Variants in BRCA1 observed in about 807,000 individuals in gnomAD.
BRCA1 encodes the protein breast cancer type 1 susceptibility protein.
BRCA1 carries 140 observed loss-of-function variants against 173.7 expected under a neutral mutation model. That is an observed-to-expected ratio of 0.81 (90% CI 0.70 to 0.93). The LOEUF is 0.93. Among genes scored for constraint, BRCA1 ranks in the 40% least tolerant of loss-of-function variants. The pLI is 0.00. For synonymous variants in BRCA1, 662 were observed against 756.0 expected, an observed-to-expected ratio of 0.88 and a Z score of 2.04; for missense variants, 1,983 against 2,172.5, an observed-to-expected ratio of 0.91 and a Z score of 1.73.
intron 1 of BRCA1, among the ~76,000 whole-genome samples, chr17:43,132,322 C>T (rs1161393205): frequency 5.3e-5 from 8 of 152,086 alleles, no homozygotes; most frequent in Admixed American, 1.3e-4. Flanking sequence ...AATGCTGACT[C>T]GGTGGCAGCT....
intron 11 of BRCA1, among the ~76,000 whole-genome samples, chr17:43,087,125 TAA>T (rs1359854404): frequency 2.0e-5 from 3 of 152,278 alleles, no homozygotes; most frequent in Admixed American, 2.0e-4. Flanking sequence ...TTAATCTTTC[TAA>T]AAAACAATTT....
At chr17:43,106,068 G>A (rs201905092) in intron 4 of BRCA1, among the ~76,000 whole-genome samples, 2 of 149,768 alleles carry the variant, frequency 1.3e-5, no homozygotes, top group East Asian at 2.0e-4. Flanking sequence ...ACAGTGAGCC[G>A]AGATCACGCC....
At chr17:43,068,233 C>T (rs371822984) in intron 15 of BRCA1, among the ~76,000 whole-genome samples, 1 of 149,836 alleles carries the variant, frequency 6.7e-6, no homozygotes, top group Admixed American at 6.7e-5. Flanking sequence ...GCCGAGATGG[C>T]GCCACTGCAC....
At chr17:43,138,953 C>A (rs761468353) in intron 1 of BRCA1, 4 of 778,770 alleles carry the variant, frequency 5.1e-6, no homozygotes, top group Middle Eastern at 7.1e-4. Flanking sequence ...GTGGTACAAC[C>A]CCCTCCCCAC....
Position 43,106,026 on chromosome 17 carries a change from C to T in BRCA1, c.212+430G>A, listed in dbSNP as rs8176130. The stretch of plus-strand genomic sequence containing the variant: ...CCTGTAGTCCCAGCTATTTGGGAGG[C>T]TAAGGCAGGAAGAGGCTGGGAGACA... On this transcript the variant is annotated intron_variant, in intron 4 of 22. Transcript: ENST00000357654. Among the ~76,000 whole-genome samples, 47,640 of 150,244 alleles carry T rather than the reference C, an allele frequency of 0.32. 7,848 individuals are homozygous for T. The highest frequency in any genetic ancestry group is 0.49 in the South Asian group (2,353 of 4,764).
At chr17:43,068,821 A>C (rs1255169121) in intron 15 of BRCA1, among the ~76,000 whole-genome samples, 1 of 152,200 alleles carries the variant, frequency 6.6e-6, no homozygotes, top group African/African-American at 2.4e-5. Flanking sequence ...AAAGCGATCA[A>C]TTCTCTCGTA....
chr17:43,109,461 AC>A (rs1277413880), intron 3 of BRCA1, among the ~76,000 whole-genome samples: 1 of 152,172 alleles, frequency 6.6e-6, no homozygotes, highest in Non-Finnish European at 1.5e-5. Flanking sequence ...CAATCTTCCT[AC>A]CAGAGAAAGT....
intron 19 of BRCA1, among the ~76,000 whole-genome samples, chr17:43,056,298 C>T (rs1318083271): frequency 2.0e-5 from 3 of 151,872 alleles, no homozygotes; most frequent in Non-Finnish European, 2.9e-5. Context: ...CTCAGCCTTC[C>T]GAGTAGCTGG....
intron 20 of BRCA1, chr17:43,050,222 C>T: frequency 2.5e-6 from 1 of 397,736 alleles, no homozygotes; most frequent in Non-Finnish European, 4.4e-6. Flanking sequence ...TTTATACACA[C>T]ACCAAGGCCT....
At chr17:43,085,125 T>G (rs1211785621) in intron 11 of BRCA1, among the ~76,000 whole-genome samples, 2 of 152,230 alleles carry the variant, frequency 1.3e-5, no homozygotes, top group Admixed American at 1.3e-4. Context: ...CTTCTACTTC[T>G]ACTATGCTGC....
intron 11 of BRCA1, 127 bp from the exon 12 acceptor site, chr17:43,082,702 C>A: frequency 1.0e-6 from 1 of 985,048 alleles, no homozygotes; most frequent in East Asian, 2.6e-5. Flanking sequence ...ACTACAAGTT[C>A]TAGCTGAACA....
chr17:43,078,525 T>C (rs545051960), intron 12 of BRCA1, among the ~76,000 whole-genome samples: 1 of 152,372 alleles, frequency 6.6e-6, no homozygotes, highest in East Asian at 1.9e-4. Flanking sequence ...GCAAAAGTCT[T>C]CTATTCATTA....
rs80357629 is a variant in BRCA1, at chr17:43,045,711, G to GT, written c.5558dup (p.Tyr1853Ter). The stretch of plus-strand genomic sequence containing the variant: ...GGCTGTGGGGGATCTGGGGTATCAG[G>GT]TAGGTGTCCAGCTCCTGGCACTGGT... ...ALYQCQELDT[Y>*]LIPQIPHSHY The change falls in exon 23 of 23, where the codon TAC (tyrosine) becomes TAAC (stop). Residue 1853 changes from tyrosine to a stop codon, truncating the protein, a stop_gained and frameshift_variant. Transcript: ENST00000357654. LOFTEE classifies it high-confidence loss of function. 1.2e-6 allele frequency: 2 copies of GT among 1,613,762 alleles called. No homozygotes were observed. The highest frequency in any genetic ancestry group is 1.7e-6 in the Non-Finnish European group (2 of 1,179,904).
In BRCA1 at chr17:43,045,792, C is replaced by A. The variant is rs80357332; in HGVS notation, c.5478G>T (p.Gln1826His). Residue 1826 changes from glutamine (Q) to histidine (H), a missense_variant, in exon 23 of 23, where the codon CAG (glutamine) becomes CAT (histidine). By Grantham distance (24) the Gln-to-His change is conservative. Coordinates refer to ENST00000357654, the MANE Select transcript of BRCA1 (RefSeq NM_007294.4). ...TEDNGFHAIG[Q>H]MCEAPVVTRE... ...GGGTCACCACAGGTGCCTCACACAT[C>A]TGCCCAATTGCTGGAGACAGAGAAC... The A allele has an allele frequency of 6.2e-7, 1 of 1,614,184 alleles. No individual in the cohort carries two copies. Among genetic ancestry groups the A allele is most frequent in the Non-Finnish European group, 8.5e-7 (1 of 1,180,042 alleles).
chr17:43,106,605 T>C (rs1229318009), intron 3 of BRCA1, 72 bp from the exon 4 acceptor site: 4 of 1,170,788 alleles, frequency 3.4e-6, no homozygotes, highest in Admixed American at 3.8e-5. Flanking sequence ...AAAAGGCAAA[T>C]AGCCATGAAA....
intron 1 of BRCA1, among the ~76,000 whole-genome samples, chr17:43,136,588 T>TA (rs1478638473): frequency 3.3e-5 from 5 of 151,902 alleles, no homozygotes; most frequent in Non-Finnish European, 7.4e-5. Context: ...AAATTTACAA[T>TA]AAAAAATCAA....
At chr17:43,118,369 G>A (rs1170663535) in intron 2 of BRCA1, among the ~76,000 whole-genome samples, 4 of 151,902 alleles carry the variant, frequency 2.6e-5, no homozygotes, top group African/African-American at 9.7e-5. Flanking sequence ...CTTTATTCTG[G>A]TCTTTTTAAT....
chr17:43,072,743 T>C (rs989470136), intron 14 of BRCA1, among the ~76,000 whole-genome samples: 6 of 151,916 alleles, frequency 3.9e-5, no homozygotes, highest in African/African-American at 1.2e-4. Flanking sequence ...TTTGTATTTT[T>C]AGTAGAGACA....
intron 15 of BRCA1, among the ~76,000 whole-genome samples, 159 bp from the exon 16 acceptor site, chr17:43,067,854 T>TTTTTTTG: frequency 7.5e-6 from 1 of 133,714 alleles, no homozygotes; most frequent in Admixed American, 7.9e-5. Flanking sequence ...TTTTTTTTTT[T>TTTTTTTG]TAGACAGAGT....
Sources: allele counts gnomAD v4.1 joint callset (sites outside exome capture counted in the v4.1 genomes callset), GRCh38; gene constraint gnomAD v4.1.1; transcripts MANE v1.5; gene names NCBI Gene and HGNC (gene_info 2026-07-23, HGNC 2026-07-21).